Variants in MED25 observed in about 807,000 individuals in gnomAD.
The protein encoded by MED25 is mediator of RNA polymerase II transcription subunit 25.
Under a neutral mutation model 89.4 loss-of-function variants are expected in MED25, and 62 were observed. The observed-to-expected ratio is 0.69, with a 90% CI of 0.57 to 0.86. The LOEUF (loss-of-function observed/expected upper bound fraction) is 0.86. Among genes scored for constraint, MED25 ranks in the 40% least tolerant of loss-of-function variants. The probability of loss-of-function intolerance (pLI) is 0.00; values close to 1 mark genes in which losing one functional copy is unlikely to be tolerated. For synonymous variants in MED25, 449 were observed against 427.9 expected (o/e 1.05, Z -0.61); for missense variants, 905 against 1,005.2 (o/e 0.90, Z 1.35).
Position 49,830,789 on chromosome 19 carries a change from G to A in MED25, c.1003G>A (p.Ala335Thr), listed in dbSNP as rs1018204701. The A allele has an allele frequency of 6.8e-6, 11 of 1,612,416 alleles. No homozygotes were observed. Among genetic ancestry groups the A allele is most frequent in the East Asian group, 2.2e-5 (1 of 44,854 alleles). ...CCAACTACCCCCAGGACCCCCTGGC[G>A]CCCCCAAGCCACCACCTGCTTCCCA... ...APQLPPGPPG[A>T]PKPPPASQPS... is the part of the protein sequence containing the mutation. Residue 335 changes from alanine to threonine, a missense_variant, in exon 9 of 18, where the codon GCC becomes ACC. This residue lies in a region of MED25 where 501 missense variants were observed against 526.9 expected (regional missense o/e 0.95). Coordinates refer to ENST00000312865, the MANE Select transcript of MED25 (RefSeq NM_030973.4). The surrounding 1 kb of genome is among the most constrained non-coding windows in gnomAD (Gnocchi z 4.6).
Position 49,835,666 on chromosome 19 carries a change from G to A in MED25, c.1746+61G>A. The A allele has an allele frequency of 6.3e-7, 1 of 1,575,986 alleles. No homozygotes were observed. The highest frequency in any genetic ancestry group is 8.6e-7 in the Non-Finnish European group (1 of 1,161,354). ...GGGAGGCCCCAAGGCTGCGCTCTGT[G>A]CCTGCAGAAGGGGCGTGAGGCCCTG... is the stretch of plus-strand genomic sequence containing the variant. On this transcript the variant is annotated intron_variant, in intron 15 of 17. Coordinates refer to ENST00000312865, the MANE Select transcript of MED25 (RefSeq NM_030973.4). The surrounding 1 kb of genome is among the most constrained non-coding windows in gnomAD (Gnocchi z 6.2).
Position 49,818,455 on chromosome 19 carries a change from C to T in MED25, c.114C>T (p.His38=), listed in dbSNP as rs2073954243. The stretch of plus-strand genomic sequence containing the variant: ...CCTACTTCGAGGGGCTCCGCAAGCA[C>T]TACCTGCTCCCGGCCATCGAGTGAG... ...LGPYFEGLRK[H]YLLPAIEYFN... Residue 38 remains histidine, a synonymous_variant, in exon 1 of 18, where the codon CAC becomes CAT. Coordinates refer to ENST00000312865, the MANE Select transcript of MED25 (RefSeq NM_030973.4). The T allele has an allele frequency of 1.9e-6, 3 of 1,614,200 alleles. No individual in the cohort carries two copies. The highest frequency in any genetic ancestry group is 2.5e-6 in the Non-Finnish European group (3 of 1,180,030).
rs745850993 is a variant in MED25 at position 49,831,555 on chromosome 19, A to G, written c.1230+94A>G. The G allele has an allele frequency of 6.0e-5, 88 of 1,467,722 alleles. No individual in the cohort carries two copies. Among genetic ancestry groups the G allele is most frequent in the Middle Eastern group, 1.8e-4 (1 of 5,462 alleles). The allele number at this position is 1,467,722 out of a possible 1,614,324, so 90.9% of individuals were successfully genotyped here. A position where few individuals can be genotyped will look rare whatever the true frequency, so the allele number is the denominator to read the frequency against. On this transcript the variant is annotated intron_variant, in intron 10 of 17. Transcript: ENST00000312865. The surrounding 1 kb of genome is among the most constrained non-coding windows in gnomAD (Gnocchi z 5.0). Reference sequence around the variant, plus strand: ...ATGGGGCCAGATGCGTGGGGTCTGCAGTGCTGGGTTTGGAGGCATTCGTTG... The same window carrying G: ...ATGGGGCCAGATGCGTGGGGTCTGCGGTGCTGGGTTTGGAGGCATTCGTTG...
rs1290641112 is a variant in MED25, at chr19:49,831,543, C to T, written c.1230+82C>T. ...CATGTAGGACTCATGGGGCCAGATG[C>T]GTGGGGTCTGCAGTGCTGGGTTTGG... On this transcript the variant is annotated intron_variant, in intron 10 of 17. Transcript: ENST00000312865. The surrounding 1 kb of genome is among the most constrained non-coding windows in gnomAD (Gnocchi z 5.0). The T allele has an allele frequency of 1.3e-5, 20 of 1,513,250 alleles. No individual in the cohort carries two copies. The highest frequency in any genetic ancestry group is 7.0e-5 in the East Asian group (3 of 42,668). 93.7% of individuals were successfully genotyped at this position (1,513,250 alleles called of 1,614,324 possible). A position where few individuals can be genotyped will look rare whatever the true frequency, so the allele number is the denominator to read the frequency against.
At chr19:49,820,115 G>T (rs550930596) in intron 3 of MED25, among the ~76,000 whole-genome samples, 8 of 152,082 alleles carry the variant, frequency 5.3e-5, no homozygotes, top group Admixed American at 5.2e-4. Context: ...GGATTATAGG[G>T]GTGAGCCACT....
At chr19:49,820,261 C>A (rs778528753) in intron 3 of MED25, among the ~76,000 whole-genome samples, 1 of 152,204 alleles carries the variant, frequency 6.6e-6, no homozygotes, top group Non-Finnish European at 1.5e-5. Context: ...TTTATACACA[C>A]TTCACAAAAG....
chr19:49,824,984 A>AG (rs1436704528), intron 3 of MED25, among the ~76,000 whole-genome samples: 1 of 152,102 alleles, frequency 6.6e-6, no homozygotes, highest in Non-Finnish European at 1.5e-5. Context: ...TGTGTCACCT[A>AG]GGGGGCTTTT....
Position 49,836,120 on chromosome 19 carries a change from A to T in MED25, c.1966-106A>T, listed in dbSNP as rs1568625767. On this transcript the variant is annotated intron_variant, in intron 16 of 17. Transcript: ENST00000312865. The surrounding 1 kb of genome is among the most constrained non-coding windows in gnomAD (Gnocchi z 5.1). ...TCCGTCCATCCCCCACCTTTGAAGA[A>T]AAACTTCCCCTCACCACTAGCTGAT... 6.6e-7 allele frequency: 1 copy of T among 1,524,600 alleles called. No individual in the cohort carries two copies. Among genetic ancestry groups the T allele is most frequent in the East Asian group, 2.4e-5 (1 of 42,270 alleles). The allele number at this position is 1,524,600 out of a possible 1,614,324, so 94.4% of individuals were successfully genotyped here. A position where few individuals can be genotyped will look rare whatever the true frequency, so the allele number is the denominator to read the frequency against.
At chr19:49,820,274 G>A (rs2073973193) in intron 3 of MED25, among the ~76,000 whole-genome samples, 2 of 152,222 alleles carry the variant, frequency 1.3e-5, no homozygotes, top group East Asian at 3.8e-4. Flanking sequence ...CACAAAAGGG[G>A]GTGGGCTAGC....
Position 49,828,502 on chromosome 19 carries a change from C to T in MED25, c.359C>T (p.Thr120Ile). The change falls in exon 4 of 18, where the codon ACA (threonine) becomes ATA (isoleucine). Residue 120 changes from threonine (T) to isoleucine (I), a missense_variant. Transcript: ENST00000312865. ...AGCCTCATCGCGGAAGGACTCAGCA[C>T]AGCCTTGCAGCTGTTTGATGACTTC... is the stretch of plus-strand genomic sequence containing the variant. ...SCSLIAEGLS[T>I]ALQLFDDFKK... The T allele has an allele frequency of 6.2e-7, 1 of 1,614,134 alleles. No homozygotes were observed. The highest frequency in any genetic ancestry group is 8.5e-7 in the Non-Finnish European group (1 of 1,179,998).
chr19:49,830,098 C>T lies in MED25; in HGVS notation c.699C>T (p.Gly233=). 6.2e-7 allele frequency: 1 copy of T among 1,607,160 alleles called. No homozygotes were observed. The highest frequency in any genetic ancestry group is 8.5e-7 in the Non-Finnish European group (1 of 1,177,646). ...CCCTCCTGCTCTCAGTTGGGGGTGG[C>T]TCAGCCCCAGGCCCCCTCCAGTCAA... ...VRGLVLPVGG[G]SAPGPLQSKQ... The change falls in exon 7 of 18, where the codon GGC becomes GGT. Residue 233 remains glycine (G), a synonymous_variant. Coordinates refer to ENST00000312865, the MANE Select transcript of MED25 (RefSeq NM_030973.4). The surrounding 1 kb of genome is among the most constrained non-coding windows in gnomAD (Gnocchi z 4.6).
rs1263609403 is a variant in MED25, at chr19:49,830,097, G to T, written c.698G>T (p.Gly233Val). ...VRGLVLPVGGGSAPGPLQSKQ... is the reference protein window; with the variant it reads ...VRGLVLPVGGVSAPGPLQSKQ... ...TCCCTCCTGCTCTCAGTTGGGGGTG[G>T]CTCAGCCCCAGGCCCCCTCCAGTCA... Residue 233 changes from glycine (G) to valine (V), a missense_variant, in exon 7 of 18, where the codon GGC (glycine) becomes GTC (valine). Physicochemically the swap from Gly to Val is moderately radical, Grantham distance 109. Transcript: ENST00000312865. This position sits in a 1 kb window ranked among gnomAD's most constrained non-coding sequence, Gnocchi z 4.6. 1 of 1,606,420 alleles carries T rather than the reference G, an allele frequency of 6.2e-7. No individual in the cohort carries two copies. Among genetic ancestry groups the T allele is most frequent in the East Asian group, 2.2e-5 (1 of 44,788 alleles).
chr19:49,818,504 C>T lies in MED25; in HGVS notation c.134+29C>T, dbSNP rs555786406. On this transcript the variant is annotated intron_variant, in intron 1 of 17. Coordinates refer to ENST00000312865, the MANE Select transcript of MED25 (RefSeq NM_030973.4). ...AGTGCTGTTTCCGCGACTCTAACCC[C>T]GCCCTCCCACTTCAGTTTCGCACAG... 19 of 1,614,232 alleles carry T rather than the reference C, an allele frequency of 1.2e-5. No homozygotes were observed. In the South Asian group the frequency reaches 1.9e-4, roughly 16 times the overall value.
intron 3 of MED25, among the ~76,000 whole-genome samples, chr19:49,820,159 C>T (rs117109971): frequency 1.3e-5 from 2 of 152,062 alleles, no homozygotes; most frequent in African/African-American, 2.4e-5. Flanking sequence ...AGAGAGCCCT[C>T]GGGTTAAAGC....
chr19:49,834,545 CGGTGCTGAGGGCT>C lies in MED25; in HGVS notation c.1483-438_1483-426del, dbSNP rs2074081768. 1 of 272,590 alleles carries C rather than the reference CGGTGCTGAGGGCT, an allele frequency of 3.7e-6. No homozygotes were observed. The highest frequency in any genetic ancestry group is 4.0e-5 in the South Asian group (1 of 25,056). 16.9% of individuals were successfully genotyped at this position (272,590 alleles called of 1,614,324 possible). On this transcript the variant is annotated intron_variant, in intron 13 of 17. Coordinates refer to ENST00000312865, the MANE Select transcript of MED25 (RefSeq NM_030973.4). The surrounding 1 kb of genome is among the most constrained non-coding windows in gnomAD (Gnocchi z 4.1). Reference sequence around the variant, plus strand: ...AGCACTCCCCGTGGTGTACACTGGCCGGTGCTGAGGGCTGGAGGATCTCTTGGATACCCGGGGT... The same window carrying C: ...AGCACTCCCCGTGGTGTACACTGGCCGGAGGATCTCTTGGATACCCGGGGT...
intron 3 of MED25, among the ~76,000 whole-genome samples, chr19:49,824,587 G>GGAA (rs1555801645): frequency 1.6e-5 from 2 of 122,968 alleles, no homozygotes; most frequent in South Asian, 2.6e-4. Context: ...CCTGTCTCGG[G>GGAA]AAAAAAAAAA....
At chr19:49,832,800 G>C (rs1200175975) in intron 13 of MED25, 1 of 340,930 alleles carries the variant, frequency 2.9e-6, no homozygotes, top group Non-Finnish European at 5.7e-6. Context: ...CCCAAGGTCA[G>C]GGTGTCAGCA....
chr19:49,821,044 G>A (rs1210844711), intron 3 of MED25, among the ~76,000 whole-genome samples: 1 of 152,244 alleles, frequency 6.6e-6, no homozygotes, highest in East Asian at 1.9e-4. Context: ...TGTGAGTCAA[G>A]GACACAAGAG....
chr19:49,836,997 C>T, downstream of MED25: 1 of 1,418,044 alleles, frequency 7.1e-7, no homozygotes. The surrounding 1 kb of genome is among the most constrained non-coding windows in gnomAD (Gnocchi z 5.1). Context: ...GCTCCCGTCA[C>T]TGACATCCCT....
Sources: allele counts gnomAD v4.1 joint callset (sites outside exome capture counted in the v4.1 genomes callset), GRCh38; gene constraint gnomAD v4.1.1; regional missense constraint gnomAD v4.1.1; non-coding constraint Gnocchi (gnomAD v3.1); transcripts MANE v1.5; gene names NCBI Gene and HGNC (gene_info 2026-07-23, HGNC 2026-07-21).